The following PTPRC variants were observed in gnomAD, a reference collection of about 807,000 sequenced individuals.
The protein encoded by PTPRC is protein tyrosine phosphatase receptor type C.
Under a neutral mutation model 155.9 loss-of-function variants are expected in PTPRC, and 44 were observed. The ratio of observed to expected loss-of-function variants is 0.28; its 90% CI spans 0.22 to 0.36. The LOEUF (loss-of-function observed/expected upper bound fraction) is 0.36. Ranked by LOEUF, PTPRC falls within the 10% of genes least tolerant of loss-of-function variation. PTPRC has a pLI of 1.00. For synonymous variants in PTPRC, 525 were observed against 533.1 expected (o/e 0.98, Z 0.21); for missense variants, 1,401 against 1,564.6 (o/e 0.90, Z 1.76).
At position 198,756,307 on chromosome 1, in the gene PTPRC, G is replaced by A. The variant is rs1282939151; in HGVS notation, c.*126G>A. ...TGCAGCGAACCAATATTTGTAGAAGGGTTATATTTTACTACTGTGGAAAAA... is the reference window on the plus strand; with the variant it reads ...TGCAGCGAACCAATATTTGTAGAAGAGTTATATTTTACTACTGTGGAAAAA... On this transcript the variant is annotated 3_prime_UTR_variant, in exon 33 of 33. Transcript: ENST00000442510. The A allele has an allele frequency of 2.4e-6, 3 of 1,260,888 alleles. No homozygotes were observed. In the African/African-American group the frequency reaches 4.5e-5, roughly 19 times the overall value. 78.1% of individuals were successfully genotyped at this position (1,260,888 alleles called of 1,614,324 possible).
At chr1:198,672,806 A>G (rs1215534515) in intron 2 of PTPRC, among the ~76,000 whole-genome samples, 6 of 152,194 alleles carry the variant, frequency 3.9e-5, no homozygotes, top group East Asian at 1.9e-4. Flanking sequence ...TTCTAAAAGC[A>G]TTTTACAGCC....
intron 2 of PTPRC, among the ~76,000 whole-genome samples, chr1:198,659,545 A>ATT (rs61007845): frequency 2.1e-5 from 3 of 141,044 alleles, no homozygotes; most frequent in African/African-American, 7.9e-5. Flanking sequence ...ATACATATAT[A>ATT]TTTTTTTTTT....
chr1:198,729,203 C>A, intron 17 of PTPRC, 32 bp downstream of exon 17: 2 of 1,583,950 alleles, frequency 1.3e-6, no homozygotes, highest in Non-Finnish European at 1.7e-6. Context: ...GATGACTATT[C>A]CTTCCCCTGC....
At chr1:198,692,394 T>C in intron 3 of PTPRC, 21 bp downstream of exon 3, 1 of 1,377,114 alleles carries the variant, frequency 7.3e-7, no homozygotes, top group East Asian at 2.8e-5. Flanking sequence ...ATATTTATAT[T>C]TTTACTAATT....
rs202120345 is a variant in PTPRC, at chr1:198,681,452, C to CAA, written c.74-10894_74-10893dup. Among the ~76,000 whole-genome samples, 880 of 152,200 alleles carry CAA rather than the reference C, an allele frequency of 5.8e-3. 4 individuals carry two copies. Among genetic ancestry groups the CAA allele is most frequent in the Middle Eastern group, 0.017 (5 of 294 alleles). On this transcript the variant is annotated intron_variant, in intron 2 of 32. Transcript: ENST00000442510. ...TCAGTGCATTTGCTTGCAAAGGGTGCAATGTGATGTTTCCTACTGGTAGGG... is the reference window on the plus strand; with the variant it reads ...TCAGTGCATTTGCTTGCAAAGGGTGCAAAATGTGATGTTTCCTACTGGTAGGG...
chr1:198,733,160 G>T (rs893651742), intron 20 of PTPRC, among the ~76,000 whole-genome samples: 1 of 151,448 alleles, frequency 6.6e-6, no homozygotes, highest in Non-Finnish European at 1.5e-5. Context: ...GTATTACATA[G>T]GTTAAATAAT....
At chr1:198,754,447 T>G (rs754551154) in intron 32 of PTPRC, 43 bp downstream of exon 32, 3 of 1,608,916 alleles carry the variant, frequency 1.9e-6, no homozygotes, top group South Asian at 2.2e-5. Context: ...TCGGAATTTT[T>G]TTTTTCTTTT....
intron 3 of PTPRC, chr1:198,694,696 A>T: frequency 1.0e-6 from 1 of 977,280 alleles, no homozygotes; most frequent in Non-Finnish European, 1.2e-6. Flanking sequence ...GAATAGAAAG[A>T]ATTCTAAACT....
At chr1:198,728,222 T>A (rs557773205) in intron 15 of PTPRC, 118 bp from the exon 16 acceptor site, 2 of 768,570 alleles carry the variant, frequency 2.6e-6, no homozygotes, top group African/African-American at 3.5e-5. Flanking sequence ...GTTTATTTTT[T>A]AAAACCTCAC....
Position 198,719,754 on chromosome 1 carries a change from G to A in PTPRC, c.1659+1452G>A, listed in dbSNP as rs893643169. On this transcript the variant is annotated intron_variant, in intron 14 of 32. Coordinates refer to ENST00000442510, the MANE Select transcript of PTPRC (RefSeq NM_002838.5). ...GCCTCCTGAGTAGCTGGGATTACAG[G>A]CACCTGCCACCACACCTGGCAAATT... Among the ~76,000 whole-genome samples the A allele has an allele frequency of 6.6e-5, 10 of 152,086 alleles. No individual in the cohort carries two copies. The East Asian group carries it at 1.5e-3, about 24-fold the overall frequency.
intron 32 of PTPRC, 32 bp downstream of exon 32, chr1:198,754,436 C>T (rs755781612): frequency 6.2e-7 from 1 of 1,611,588 alleles, no homozygotes; most frequent in Admixed American, 1.7e-5. Context: ...TTTTAACATG[C>T]TCGGAATTTT....
At chr1:198,730,159 A>T (rs1018851458) in intron 17 of PTPRC, among the ~76,000 whole-genome samples, 2 of 152,134 alleles carry the variant, frequency 1.3e-5, no homozygotes, top group African/African-American at 4.8e-5. Context: ...TACAATAAAG[A>T]AATGTACTTG....
chr1:198,664,646 C>G (rs928587951), intron 2 of PTPRC, among the ~76,000 whole-genome samples: 1 of 152,074 alleles, frequency 6.6e-6, no homozygotes, highest in East Asian at 1.9e-4. Context: ...CCGAAATATA[C>G]CAGGAACTGC....
At chr1:198,661,863 C>T (rs918939872) in intron 2 of PTPRC, among the ~76,000 whole-genome samples, 5 of 151,902 alleles carry the variant, frequency 3.3e-5, no homozygotes, top group African/African-American at 1.2e-4. Context: ...TTAAGTTTTC[C>T]GTATTTGACA....
chr1:198,684,227 C>T (rs1442666746), intron 2 of PTPRC, among the ~76,000 whole-genome samples: 4 of 150,462 alleles, frequency 2.7e-5, no homozygotes, highest in Non-Finnish European at 4.4e-5. Flanking sequence ...TTAATTGTTT[C>T]GTTAATCAAC....
chr1:198,756,269 T>C lies in PTPRC; in HGVS notation c.*88T>C. 5.3e-6 allele frequency: 8 copies of C among 1,501,374 alleles called. No individual in the cohort carries two copies. In the South Asian group the frequency reaches 9.5e-5, roughly 18 times the overall value. The allele number at this position is 1,501,374 out of a possible 1,614,324, so 93.0% of individuals were successfully genotyped here. On this transcript the variant is annotated 3_prime_UTR_variant, in exon 33 of 33. Coordinates refer to ENST00000442510, the MANE Select transcript of PTPRC (RefSeq NM_002838.5). ...GTAGGAAGTGAAAATAGGTATACAG[T>C]GGATTAATTAAATGCAGCGAACCAA...
intron 27 of PTPRC, 138 bp from the exon 28 acceptor site, chr1:198,749,278 A>G: frequency 1.2e-6 from 1 of 823,986 alleles, no homozygotes; most frequent in Non-Finnish European, 1.9e-6. Context: ...AATTTTATAT[A>G]GGATCTTATT....
At chr1:198,728,735 G>A (rs1654256242) in intron 16 of PTPRC, among the ~76,000 whole-genome samples, 1 of 152,126 alleles carries the variant, frequency 6.6e-6, no homozygotes, top group Non-Finnish European at 1.5e-5. Flanking sequence ...GTGGGTCAGA[G>A]GGATCTAGGA....
chr1:198,713,128 A>G (rs534737459), intron 12 of PTPRC, 56 bp downstream of exon 12: 1 of 1,609,590 alleles, frequency 6.2e-7, no homozygotes, highest in African/African-American at 1.3e-5. Flanking sequence ...ATTTGAAAGT[A>G]CTAGAAATTT....
Sources: gnomAD v4.1 joint callset for allele counts (sites outside exome capture counted in the v4.1 genomes callset) on GRCh38, gnomAD v4.1.1 for gene constraint, MANE v1.5 for transcripts, NCBI Gene and HGNC (gene_info 2026-07-23, HGNC 2026-07-21) for gene names.